The following DGKH variants were observed in gnomAD, a reference collection of about 807,000 sequenced individuals.
DGKH encodes diacylglycerol kinase eta, also known as DAG kinase eta.
In DGKH, 90 loss-of-function variants were observed where a neutral mutation model predicts 159.3. The observed-to-expected ratio is 0.57, with a 90% confidence interval of 0.48 to 0.67. The LOEUF (loss-of-function observed/expected upper bound fraction) is 0.67, where lower values mean the gene tolerates loss of function less well. Ranked by LOEUF, DGKH falls within the 30% of genes least tolerant of loss-of-function variation. The probability of loss-of-function intolerance (pLI) is 0.00; values close to 1 mark genes in which losing one functional copy is unlikely to be tolerated. For missense variants in DGKH, 1,181 were observed against 1,506.1 expected (o/e 0.78, Z 3.57); for synonymous variants, 536 against 553.8 (o/e 0.97, Z 0.45).
chr13:42,243,033 C>CA (rs1191660827), downstream of DGKH: 1 of 152,114 alleles, frequency 6.6e-6, no homozygotes, highest in African/African-American at 2.4e-5. Flanking sequence ...ATTTCCCCTC[C>CA]AAAGGTAACA....
chr13:42,240,582 A>G lies in DGKH; in HGVS notation c.*11394A>G, dbSNP rs1015117330. 9.2e-5 allele frequency: 14 copies of G among 152,230 alleles called. No individual in the cohort carries two copies. Among genetic ancestry groups the G allele is most frequent in the Admixed American group, 3.3e-4 (5 of 15,286 alleles). The allele number at this position is 152,230 out of a possible 1,614,324, so 9.4% of individuals were successfully genotyped here. A position where few individuals can be genotyped will look rare whatever the true frequency, so the allele number is the denominator to read the frequency against. On this transcript the variant is annotated 3_prime_UTR_variant, in exon 30 of 30. Transcript: ENST00000337343. Reference sequence around the variant, plus strand: ...GCAATAGTGATGGTGGAATTTTTAAATAATATTCAGCTGGGGGGAAATAGA... The same window carrying G: ...GCAATAGTGATGGTGGAATTTTTAAGTAATATTCAGCTGGGGGGAAATAGA...
rs188245856 is a variant in DGKH, at chr13:42,201,546, G to A, written c.2493+1637G>A. ...ATAGGATTAGTAACCTCTTGTACTG[G>A]TGTTCCAAATTTTGAACAAGATATC... On this transcript the variant is annotated intron_variant, in intron 20 of 29. Transcript: ENST00000337343. 3.5e-4 allele frequency among the ~76,000 whole-genome samples: 54 copies of A among 152,222 alleles called. 1 individual carries two copies. Among genetic ancestry groups the A allele is most frequent in the African/African-American group, 1.3e-3 (54 of 41,522 alleles).
intron 29 of DGKH, among the ~76,000 whole-genome samples, chr13:42,223,115 G>C (rs1447346230): frequency 1.3e-5 from 2 of 152,168 alleles, no homozygotes; most frequent in Non-Finnish European, 2.9e-5. Context: ...GATGTGGGGG[G>C]TGGATGAGAA....
At chr13:42,207,161 CCTTCCT>C (rs1957526496) in intron 21 of DGKH, among the ~76,000 whole-genome samples, 5 of 87,904 alleles carry the variant, frequency 5.7e-5, no homozygotes, top group African/African-American at 1.6e-4. Context: ...TTCCTTCCTT[CCTTCCT>C]TCCTTCCTTC....
intron 1 of DGKH, among the ~76,000 whole-genome samples, chr13:42,055,335 C>T (rs1258202681): frequency 2.0e-5 from 3 of 152,152 alleles, no homozygotes; most frequent in Non-Finnish European, 4.4e-5. Context: ...TCTTTGCTTC[C>T]ATTTTAATGT....
intron 16 of DGKH, among the ~76,000 whole-genome samples, chr13:42,190,754 T>G (rs531043992): frequency 9.5e-4 from 145 of 152,244 alleles, no homozygotes; most frequent in Non-Finnish European, 4.3e-4. Context: ...AATCTAGAGA[T>G]TATAACAATA....
intron 20 of DGKH, among the ~76,000 whole-genome samples, chr13:42,204,128 C>A (rs906428813): frequency 2.0e-5 from 3 of 152,112 alleles, no homozygotes; most frequent in African/African-American, 7.2e-5. Flanking sequence ...AAATAAAGTG[C>A]ATCCATTTGG....
At chr13:42,111,345 C>A (rs1251344400) in intron 1 of DGKH, among the ~76,000 whole-genome samples, 2 of 152,056 alleles carry the variant, frequency 1.3e-5, no homozygotes, top group Non-Finnish European at 2.9e-5. Flanking sequence ...CTTTGGGAGG[C>A]GAGGTGGGCA....
At position 42,229,730 on chromosome 13, in the gene DGKH, A is replaced by G. The variant is rs1181028451; in HGVS notation, c.*542A>G. The G allele has an allele frequency of 6.6e-6, 1 of 152,488 alleles. No homozygotes were observed. Among genetic ancestry groups the G allele is most frequent in the Non-Finnish European group, 1.5e-5 (1 of 68,150 alleles). 9.4% of individuals were successfully genotyped at this position (152,488 alleles called of 1,614,324 possible). A position where few individuals can be genotyped will look rare whatever the true frequency, so the allele number is the denominator to read the frequency against. ...GTTGAAAACCTTTCCAATACTATGA[A>G]TGAATGCAAATCTTAATGCACGATG... On this transcript the variant is annotated 3_prime_UTR_variant, in exon 30 of 30. Coordinates refer to ENST00000337343, the MANE Select transcript of DGKH (RefSeq NM_178009.5).
intron 1 of DGKH, among the ~76,000 whole-genome samples, chr13:42,088,045 A>G (rs951862392): frequency 2.0e-5 from 3 of 152,188 alleles, no homozygotes; most frequent in African/African-American, 7.2e-5. Flanking sequence ...GATTTTATGT[A>G]GAACAAAGAT....
chr13:42,047,458 CCA>C (rs967824929), upstream of DGKH, among the ~76,000 whole-genome samples: 1 of 152,210 alleles, frequency 6.6e-6, no homozygotes, highest in African/African-American at 2.4e-5. Flanking sequence ...TGGAGAGACT[CCA>C]CAGTCTGGCA....
At chr13:42,159,919 C>A (rs1283294431) in intron 6 of DGKH, 92 bp from the exon 7 acceptor site, 4 of 1,582,198 alleles carry the variant, frequency 2.5e-6, no homozygotes, top group Admixed American at 1.7e-5. Flanking sequence ...TACTACTGAC[C>A]CTCTAGAGTG....
chr13:42,048,944 C>T lies in DGKH; in HGVS notation c.171C>T (p.Thr57=), dbSNP rs1189153568. 9.1e-6 allele frequency: 12 copies of T among 1,313,350 alleles called. No homozygotes were observed. The highest frequency in any genetic ancestry group is 1.1e-5 in the Non-Finnish European group (11 of 1,023,864). The allele number at this position is 1,313,350 out of a possible 1,614,324, so 81.4% of individuals were successfully genotyped here. The change falls in exon 1 of 30, where the codon ACC becomes ACT. Residue 57 remains threonine (T), a synonymous_variant. Transcript: ENST00000337343. The surrounding 1 kb of genome is among the most constrained non-coding windows in gnomAD (Gnocchi z 6.7). ...GPQKLIRKVS[T]SGQIRTKTSI... ...AGAAACTGATCCGCAAAGTGTCTACCTCGGGGCAGATCCGGACCAAGGTAG... is the reference window on the plus strand; with the variant it reads ...AGAAACTGATCCGCAAAGTGTCTACTTCGGGGCAGATCCGGACCAAGGTAG...
At chr13:42,141,078 G>T (rs1167236055) in intron 3 of DGKH, among the ~76,000 whole-genome samples, 1 of 102,772 alleles carries the variant, frequency 9.7e-6, no homozygotes, top group African/African-American at 3.8e-5. Flanking sequence ...ACAGGCCCCA[G>T]TGCGTGATGT....
intron 28 of DGKH, 43 bp from the exon 29 acceptor site, chr13:42,221,221 G>A (rs950722348): frequency 6.2e-7 from 1 of 1,609,506 alleles, no homozygotes; most frequent in Non-Finnish European, 8.5e-7. Context: ...GTAATGCATT[G>A]AGCATGTAGA....
intron 1 of DGKH, among the ~76,000 whole-genome samples, chr13:42,084,578 T>C (rs1788526332): frequency 6.6e-6 from 1 of 152,174 alleles, no homozygotes; most frequent in South Asian, 2.1e-4. Context: ...TGTATTACAA[T>C]GTATTGCGTA....
chr13:42,220,841 C>A (rs1200176517), intron 28 of DGKH, among the ~76,000 whole-genome samples: 1 of 152,158 alleles, frequency 6.6e-6, no homozygotes, highest in Non-Finnish European at 1.5e-5. Context: ...AAATTGAATA[C>A]CCCATATCAG....
At chr13:42,041,125 G>C (rs1310425911) in intron 1 of DGKH, among the ~76,000 whole-genome samples, 3 of 152,158 alleles carry the variant, frequency 2.0e-5, no homozygotes, top group Non-Finnish European at 2.9e-5. Flanking sequence ...CCGGCTGATC[G>C]AGGCTCTCCC....
At chr13:42,227,110 G>GAC (rs1958153126) in intron 29 of DGKH, among the ~76,000 whole-genome samples, 1 of 152,108 alleles carries the variant, frequency 6.6e-6, no homozygotes, top group Admixed American at 6.5e-5. Context: ...CTGTTGTGGG[G>GAC]GCAGAAGGAG....
Sources: allele counts gnomAD v4.1 joint callset (sites outside exome capture counted in the v4.1 genomes callset), GRCh38; gene constraint gnomAD v4.1.1; non-coding constraint Gnocchi (gnomAD v3.1); transcripts MANE v1.5; gene names NCBI Gene and HGNC (gene_info 2026-07-23, HGNC 2026-07-21).